The following HS3ST5 variants were observed in gnomAD, a reference collection of about 807,000 sequenced individuals.
HS3ST5 encodes heparan sulfate glucosamine 3-O-sulfotransferase 5.
Under a neutral mutation model 25.4 loss-of-function variants are expected in HS3ST5, and 10 were observed. That is an observed-to-expected ratio of 0.39 (90% CI 0.24 to 0.67). The LOEUF (loss-of-function observed/expected upper bound fraction) is 0.67. Ranked by LOEUF, HS3ST5 falls within the 30% of genes least tolerant of loss-of-function variation. The probability of loss-of-function intolerance (pLI) is 0.44; values close to 1 mark genes in which losing one functional copy is unlikely to be tolerated. For missense variants in HS3ST5, 324 were observed against 420.7 expected (o/e 0.77, Z 2.01); for synonymous variants, 170 against 162.4 (o/e 1.05, Z -0.36).
chr6:114,114,947 C>A (rs1776447488), intron 3 of HS3ST5, among the ~76,000 whole-genome samples: 1 of 152,168 alleles, frequency 6.6e-6, no homozygotes, highest in African/African-American at 2.4e-5. Context: ...TCTTCATAAG[C>A]TTTATAAATG....
chr6:114,252,740 C>T (rs1772720276), intron 1 of HS3ST5, among the ~76,000 whole-genome samples: 1 of 152,118 alleles, frequency 6.6e-6, no homozygotes, highest in African/African-American at 2.4e-5. Context: ...CTTCAGAGGA[C>T]AGGATGGGAA....
At chr6:114,317,100 G>C (rs1775774726) in intron 1 of HS3ST5, among the ~76,000 whole-genome samples, 1 of 152,202 alleles carries the variant, frequency 6.6e-6, no homozygotes, top group African/African-American at 2.4e-5. Flanking sequence ...CCAATTATCA[G>C]TGAGGAAACT....
intron 2 of HS3ST5, among the ~76,000 whole-genome samples, chr6:114,203,658 C>A (rs1781132537): frequency 6.6e-6 from 1 of 152,136 alleles, no homozygotes; most frequent in East Asian, 1.9e-4. Flanking sequence ...ACTACTCCCC[C>A]TCCCCTGAAA....
In HS3ST5 at chr6:114,342,651, A is replaced by G. The variant is rs1203909077; in HGVS notation, c.-795T>C. ...AGCCGCTCTGCGGGGGGAGGTGCGC[A>G]TCCTCCTTGCCCCACGAGGGCACCG... is the stretch of plus-strand genomic sequence containing the variant. On this transcript the variant is annotated 5_prime_UTR_variant, in exon 1 of 5. The change abolishes an upstream ATG in the 5' untranslated region. Transcript: ENST00000312719. 6.5e-6 allele frequency: 1 copy of G among 152,734 alleles called. No homozygotes were observed. The highest frequency in any genetic ancestry group is 1.5e-5 in the Non-Finnish European group (1 of 68,532). 9.5% of individuals were successfully genotyped at this position (152,734 alleles called of 1,614,324 possible).
chr6:114,300,997 G>A (rs1392830497), intron 1 of HS3ST5, among the ~76,000 whole-genome samples: 1 of 152,158 alleles, frequency 6.6e-6, no homozygotes, highest in African/African-American at 2.4e-5. Flanking sequence ...GAGCTAGTAC[G>A]TTGGAGTGGG....
At chr6:114,332,456 GAC>G (rs1157703638) in intron 1 of HS3ST5, among the ~76,000 whole-genome samples, 6 of 152,160 alleles carry the variant, frequency 3.9e-5, no homozygotes, top group African/African-American at 1.4e-4. Flanking sequence ...CACACTGCCT[GAC>G]ACACAGTACC....
intron 2 of HS3ST5, among the ~76,000 whole-genome samples, chr6:114,177,087 T>G (rs1779756167): frequency 6.6e-6 from 1 of 152,206 alleles, no homozygotes; most frequent in Admixed American, 6.5e-5. Flanking sequence ...TCCTCAGAAT[T>G]GCAATGCAGT....
intron 3 of HS3ST5, among the ~76,000 whole-genome samples, chr6:114,064,137 G>A (rs949581322): frequency 9.9e-5 from 15 of 152,158 alleles, no homozygotes. Flanking sequence ...AAGCTATATA[G>A]ATAGCAATGA....
At chr6:114,084,208 T>C (rs887555636) in intron 3 of HS3ST5, 2 of 1,097,332 alleles carry the variant, frequency 1.8e-6, no homozygotes, top group Non-Finnish European at 2.8e-6. Flanking sequence ...TTCAGTGGCC[T>C]GAGCAATGGG....
intron 3 of HS3ST5, among the ~76,000 whole-genome samples, chr6:114,119,588 G>A (rs1311521743): frequency 3.9e-5 from 6 of 152,122 alleles, no homozygotes; most frequent in African/African-American, 1.2e-4. Flanking sequence ...TTAGAGAAGC[G>A]AATATGAAAG....
chr6:114,104,059 A>G (rs1775873538), intron 3 of HS3ST5, among the ~76,000 whole-genome samples: 1 of 151,984 alleles, frequency 6.6e-6, no homozygotes, highest in African/African-American at 2.4e-5. Flanking sequence ...ATTTAAAACA[A>G]TTCTGTTATC....
intron 1 of HS3ST5, among the ~76,000 whole-genome samples, chr6:114,301,881 G>C (rs2114811293): frequency 6.6e-6 from 1 of 152,188 alleles, no homozygotes; most frequent in South Asian, 2.1e-4. Flanking sequence ...GGAATGGAAG[G>C]GCAACCAAGG....
intron 1 of HS3ST5, among the ~76,000 whole-genome samples, chr6:114,304,952 T>C (rs1038976142): frequency 6.6e-6 from 1 of 152,168 alleles, no homozygotes; most frequent in African/African-American, 2.4e-5. Context: ...CTTTTTAAAA[T>C]AGCTGTGGGT....
chr6:114,129,701 G>A (rs540332326), intron 3 of HS3ST5, among the ~76,000 whole-genome samples: 1 of 152,314 alleles, frequency 6.6e-6, no homozygotes, highest in Non-Finnish European at 1.5e-5. Flanking sequence ...GAGCTATTAA[G>A]TAGAAGGTTT....
At chr6:114,297,073 C>A (rs1305242423) in intron 1 of HS3ST5, among the ~76,000 whole-genome samples, 1 of 152,156 alleles carries the variant, frequency 6.6e-6, no homozygotes, top group Non-Finnish European at 1.5e-5. Flanking sequence ...ATTTCAAACA[C>A]TGATCAGGTC....
chr6:114,323,036 T>C (rs1776029729), intron 1 of HS3ST5, among the ~76,000 whole-genome samples: 3 of 152,126 alleles, frequency 2.0e-5, no homozygotes, highest in South Asian at 4.1e-4. Context: ...GGACTTAAAG[T>C]GCAGACTTGG....
intron 3 of HS3ST5, among the ~76,000 whole-genome samples, chr6:114,064,438 A>G (rs1017078839): frequency 6.6e-6 from 1 of 152,210 alleles, no homozygotes; most frequent in Non-Finnish European, 1.5e-5. Flanking sequence ...GTGTTGGGAA[A>G]AGAAAATTAA....
chr6:114,097,843 A>T (rs1410974544), intron 3 of HS3ST5, among the ~76,000 whole-genome samples: 1 of 151,954 alleles, frequency 6.6e-6, no homozygotes, highest in Non-Finnish European at 1.5e-5. Flanking sequence ...TAAAAAACAG[A>T]TTTTTAACTA....
At chr6:114,106,998 G>A (rs531854468) in intron 3 of HS3ST5, among the ~76,000 whole-genome samples, 33 of 152,074 alleles carry the variant, frequency 2.2e-4, no homozygotes, top group Admixed American at 1.9e-3. Flanking sequence ...AAAAAGACTT[G>A]GGTTGGAAAT....
Sources: gnomAD v4.1 joint callset for allele counts (sites outside exome capture counted in the v4.1 genomes callset) on GRCh38, gnomAD v4.1.1 for gene constraint, MANE v1.5 for transcripts, NCBI Gene and HGNC (gene_info 2026-07-23, HGNC 2026-07-21) for gene names.